TTN: variants seen among roughly 807,000 people sequenced by gnomAD.
The protein encoded by TTN is connectin.
TTN carries 1,525 observed loss-of-function variants against 3,223.0 expected under a neutral mutation model. The ratio of observed to expected loss-of-function variants is 0.47; its 90% confidence interval spans 0.45 to 0.49. The LOEUF (loss-of-function observed/expected upper bound fraction) is 0.49. TTN is among the 20% of genes least tolerant of loss of function. The pLI is 0.00. For missense variants in TTN, 40,786 were observed against 43,424.0 expected (o/e 0.94, Z 5.40); for synonymous variants, 14,094 against 15,161.0 (o/e 0.93, Z 5.17).
intron 336 of TTN, 57 bp from the exon 337 acceptor site, chr2:178,550,330 A>C: frequency 7.0e-7 from 1 of 1,431,170 alleles, no homozygotes; most frequent in Admixed American, 2.1e-5. Context: ...ACATACATAA[A>C]TATATATTTT....
chr2:178,534,390 C>T lies in TTN; in HGVS notation c.102225G>A (p.Gln34075=). Reference sequence around the variant, plus strand: ...CTTTAGTACTGACTCTTTCTATCTTCTGCTTCAACCATGGGTGCTGGAGAG... The same window carrying T: ...CTTTAGTACTGACTCTTTCTATCTTTTGCTTCAACCATGGGTGCTGGAGAG... The part of the protein sequence containing the change: ...SEALQHPWLK[Q]KIERVSTKVI... The change falls in exon 358 of 363, where the codon CAG becomes CAA. Residue 34075 remains glutamine, a synonymous_variant. Coordinates refer to ENST00000589042, the MANE Select transcript of TTN (RefSeq NM_001267550.2). The T allele has an allele frequency of 6.2e-7, 1 of 1,610,664 alleles. No individual in the cohort carries two copies. Among genetic ancestry groups the T allele is most frequent in the South Asian group, 1.1e-5 (1 of 91,070 alleles).
intron 47 of TTN, chr2:178,747,405 A>T (rs1258376006): frequency 6.2e-7 from 1 of 1,613,334 alleles, no homozygotes; most frequent in Admixed American, 1.7e-5. Flanking sequence ...GACTTTGGAG[A>T]TTCAAAATAT....
chr2:178,748,155 A>T (rs751600714), intron 47 of TTN: 3 of 1,613,202 alleles, frequency 1.9e-6, no homozygotes, highest in Non-Finnish European at 2.5e-6. Flanking sequence ...CTTTTCTCAG[A>T]AAGATCAGTT....
intron 216 of TTN, 85 bp from the exon 217 acceptor site, chr2:178,646,115 T>C (rs1165419775): frequency 8.1e-6 from 1 of 122,960 alleles, no homozygotes; most frequent in African/African-American, 4.0e-5. Flanking sequence ...TATATATATA[T>C]ATATATATAT....
Position 178,768,040 on chromosome 2 carries a change from A to G in TTN, c.9279T>C (p.Asp3093=). 1 of 1,614,188 alleles carries G rather than the reference A, an allele frequency of 6.2e-7. No individual in the cohort carries two copies. The highest frequency in any genetic ancestry group is 8.5e-7 in the Non-Finnish European group (1 of 1,180,024). The change falls in exon 39 of 363, where the codon GAT becomes GAC. Residue 3093 remains aspartate, a synonymous_variant. Coordinates refer to ENST00000589042, the MANE Select transcript of TTN (RefSeq NM_001267550.2). The stretch of plus-strand genomic sequence containing the variant: ...TGTCTGTGATCTGCAGTTCCTGGTC[A>G]TCTTTCATCCACTGTACAGTGATGT... ...EPDITVQWMK[D]DQELQITDRI... is the part of the protein sequence containing the mutation.
rs1346456739 is a variant in TTN at position 178,730,960 on chromosome 2, C to T, written c.17705G>A (p.Gly5902Glu). 1.2e-5 allele frequency: 19 copies of T among 1,611,292 alleles called. No homozygotes were observed. The highest frequency in any genetic ancestry group is 1.7e-5 in the Admixed American group (1 of 59,928). The change falls in exon 60 of 363, where the codon GGG (glycine) becomes GAG (glutamate). Residue 5902 changes from glycine (G) to glutamate (E), a missense_variant. Physicochemically the swap from Gly to Glu is moderately conservative, Grantham distance 98. Transcript: ENST00000589042. ...EYTFEVQNDV[G>E]RSSCKARINV... ...AATTCTAGCCTTGCAGCTGCTCCTC[C>T]CAACATCATTTTGGACCTCGAAAGT...
intron 88 of TTN, 137 bp from the exon 89 acceptor site, chr2:178,715,911 G>C: frequency 1.3e-6 from 1 of 793,474 alleles, no homozygotes; most frequent in East Asian, 2.8e-5. Flanking sequence ...AGGAAGAAGA[G>C]TTAAATGAAA....
chr2:178,611,081 C>T lies in TTN; in HGVS notation c.51048G>A (p.Lys17016=), dbSNP rs2056226659. ...DHISAHLEVP[K]SVRADAGIYT... The stretch of plus-strand genomic sequence containing the variant: ...AAATTCCGGCATCTGCACGGACACT[C>T]TTGGGAACTTCAAGGTGTGCAGAGA... Residue 17016 remains lysine (K), a synonymous_variant, in exon 270 of 363, where the codon AAG becomes AAA. Transcript: ENST00000589042. The T allele has an allele frequency of 1.2e-6, 2 of 1,612,872 alleles. No homozygotes were observed. The highest frequency in any genetic ancestry group is 1.7e-6 in the Non-Finnish European group (2 of 1,179,226).
chr2:178,668,824 T>C, intron 159 of TTN, among the ~76,000 whole-genome samples: 1 of 152,160 alleles, frequency 6.6e-6, no homozygotes, highest in East Asian at 1.9e-4. Context: ...TATTTTACTA[T>C]TTGGATTATT....
rs1419390569 is a variant in TTN at position 178,782,807 on chromosome 2, C to T, written c.3099G>A (p.Gln1033=). 6.2e-7 allele frequency: 1 copy of T among 1,612,738 alleles called. No individual in the cohort carries two copies. The highest frequency in any genetic ancestry group is 1.7e-5 in the Admixed American group (1 of 60,010). ...GACTGTGGGAGGGTGGCCACTAACC[C>T]TGCACAGCCAGATAGCAGGATGTGC... The part of the protein sequence containing the change: ...TVSTSCYLAV[Q]VSEEFEKETT... The change falls in exon 18 of 363, where the codon CAG becomes CAA. Residue 1033 remains glutamine, a splice_region_variant and synonymous_variant. Transcript: ENST00000589042.
rs562455128 is a variant in TTN, at chr2:178,669,530, C to T, written c.35470+62G>A. 275 of 1,602,930 alleles carry T rather than the reference C, an allele frequency of 1.7e-4. 1 individual carries two copies. The African/African-American group carries it at 3.4e-3, about 20-fold the overall frequency. On this transcript the variant is annotated intron_variant, in intron 158 of 362. Transcript: ENST00000589042. ...AAGGATTTAATGTCACACACATTCA[C>T]TTTAAACCATGAAAAACTAAACCAA...
chr2:178,777,622 T>G (rs1574676660), intron 25 of TTN, 38 bp from the exon 26 acceptor site: 4 of 1,613,314 alleles, frequency 2.5e-6, no homozygotes, highest in Non-Finnish European at 3.4e-6. Flanking sequence ...GATTTTAAAA[T>G]AGTTTTTAAA....
intron 88 of TTN, among the ~76,000 whole-genome samples, chr2:178,716,632 G>A (rs576967955): frequency 6.6e-6 from 1 of 152,184 alleles, no homozygotes; most frequent in East Asian, 1.9e-4. Context: ...ATTTAAGTGG[G>A]GCTAGTGGAG....
chr2:178,583,583 C>T, intron 312 of TTN, 24 bp downstream of exon 312: 1 of 1,548,758 alleles, frequency 6.5e-7, no homozygotes, highest in Non-Finnish European at 8.7e-7. Flanking sequence ...ACATCTTTGC[C>T]TATAATACTC....
rs2052547885 is a variant in TTN, at chr2:178,598,966, G to A, written c.56744C>T (p.Pro18915Leu). The part of the protein sequence containing the change: ...WEEPEYDGGS[P>L]VTGYWLEMKD... ...CATTTCCAGCCAGTACCCTGTCACA[G>A]GAGAGCCTCCATCATATTCTGGCTC... The change falls in exon 291 of 363, where the codon CCT becomes CTT. Residue 18915 changes from proline to leucine, a missense_variant. By Grantham distance (98) the Pro-to-Leu change is moderately conservative (BLOSUM62 -3). Coordinates refer to ENST00000589042, the MANE Select transcript of TTN (RefSeq NM_001267550.2). 6.2e-7 allele frequency: 1 copy of A among 1,612,398 alleles called. No individual in the cohort carries two copies. The highest frequency in any genetic ancestry group is 8.5e-7 in the Non-Finnish European group (1 of 1,179,392).
rs2057436649 is a variant in TTN, at chr2:178,616,900, A to G, written c.47989T>C (p.Cys15997Arg). Residue 15997 changes from cysteine to arginine, a missense_variant, in exon 256 of 363, where the codon TGT becomes CGT. Coordinates refer to ENST00000589042, the MANE Select transcript of TTN (RefSeq NM_001267550.2). The stretch of plus-strand genomic sequence containing the variant: ...GTTTCTAGTACTTTATCTCCAAAAC[A>G]CCAGGTTGCAGTTGGCCTTGGATAG... ...TGYPRPTATWCFGDKVLETGD... is the reference protein window; with the variant it reads ...TGYPRPTATWRFGDKVLETGD... The G allele has an allele frequency of 1.9e-6, 3 of 1,612,712 alleles. No individual in the cohort carries two copies. The highest frequency in any genetic ancestry group is 2.5e-6 in the Non-Finnish European group (3 of 1,179,176).
chr2:178,726,023 G>A lies in TTN; in HGVS notation c.20299C>T (p.Pro6767Ser), dbSNP rs1322204022. ...VKEPPVFSSF[P>S]PIVETLKNAE... ...TTTTTAAGGGTTTCTACTATAGGAGGGAAGCTGCTAAAAACAGGTGGCTCT... is the reference window on the plus strand; with the variant it reads ...TTTTTAAGGGTTTCTACTATAGGAGAGAAGCTGCTAAAAACAGGTGGCTCT... The change falls in exon 70 of 363, where the codon CCT becomes TCT. Residue 6767 changes from proline to serine, a missense_variant. Pro to Ser is a moderately conservative substitution (Grantham distance 74, BLOSUM62 -1). Coordinates refer to ENST00000589042, the MANE Select transcript of TTN (RefSeq NM_001267550.2). The A allele has an allele frequency of 2.0e-6, 3 of 1,532,006 alleles. No individual in the cohort carries two copies. The highest frequency in any genetic ancestry group is 2.6e-6 in the Non-Finnish European group (3 of 1,137,322). The allele number at this position is 1,532,006 out of a possible 1,614,324, so 94.9% of individuals were successfully genotyped here.
chr2:178,747,994 C>T, intron 47 of TTN: 2 of 1,612,980 alleles, frequency 1.2e-6, no homozygotes, highest in South Asian at 1.1e-5. Context: ...CTGTATATTC[C>T]TGTGTCCCAC....
In TTN at chr2:178,731,797, CT is replaced by C. The variant is rs1560804365; in HGVS notation, c.17077del (p.Ser5693AlafsTer8). The C allele has an allele frequency of 1.2e-6, 2 of 1,613,814 alleles. No homozygotes were observed. The highest frequency in any genetic ancestry group is 3.3e-5 in the Admixed American group (2 of 60,004). ...YKTFIQDHLV[S>X]LQILKFVAAD... is the part of the protein sequence containing the mutation. ...AGCTACAAACTTGAGGATCTGCAGG[CT>C]AACCAGATGATCCTGAATGAAAGTC... On this transcript the variant is annotated frameshift_variant, in exon 58 of 363. Transcript: ENST00000589042. LOFTEE classifies it high-confidence loss of function.
Sources: gnomAD v4.1 joint callset for allele counts (sites outside exome capture counted in the v4.1 genomes callset) on GRCh38, gnomAD v4.1.1 for gene constraint, MANE v1.5 for transcripts, NCBI Gene and HGNC (gene_info 2026-07-23, HGNC 2026-07-21) for gene names.